TTYH2: variants seen among roughly 807,000 people sequenced by gnomAD.
TTYH2 encodes protein tweety homolog 2.
A neutral mutation model predicts 68.3 loss-of-function variants in TTYH2; 49 were observed. That is an observed-to-expected ratio of 0.72 (90% CI 0.57 to 0.91). The LOEUF is 0.91. Ranked by LOEUF, TTYH2 falls within the 40% of genes least tolerant of loss-of-function variation. TTYH2 has a pLI of 0.00. For synonymous variants in TTYH2, 272 were observed against 300.8 expected, an observed-to-expected ratio of 0.90 and a Z score of 0.99; for missense variants, 631 against 700.4, an observed-to-expected ratio of 0.90 and a Z score of 1.12.
chr17:74,250,630 G>C, intron 10 of TTYH2: 1 of 380,170 alleles, frequency 2.6e-6, no homozygotes, highest in Non-Finnish European at 4.8e-6. Context: ...ACAATGCAAG[G>C]GAGGCTGTTC....
intron 4 of TTYH2, among the ~76,000 whole-genome samples, chr17:74,240,438 CAAAAA>C (rs762865595): frequency 8.5e-6 from 1 of 117,886 alleles, no homozygotes; most frequent in African/African-American, 3.1e-5. Context: ...GACTCTGTCT[CAAAAA>C]AAAAAAAAAA....
chr17:74,237,347 G>T lies in TTYH2; in HGVS notation c.468G>T (p.Arg156=). The change falls in exon 4 of 14, where the codon CGG becomes CGT. Residue 156 remains arginine (R), a synonymous_variant. Transcript: ENST00000269346. ...MKVDLEQHLA[R]LSEIFAARGD... ...TGGACCTAGAGCAGCACCTGGCCCG[G>T]CTCAGTGAGATCTTTGCTGCCCGGG... is the stretch of plus-strand genomic sequence containing the variant. 1 of 1,614,166 alleles carries T rather than the reference G, an allele frequency of 6.2e-7. No individual in the cohort carries two copies. The highest frequency in any genetic ancestry group is 8.5e-7 in the Non-Finnish European group (1 of 1,180,034).
chr17:74,245,009 T>C (rs1013216643), intron 6 of TTYH2, among the ~76,000 whole-genome samples: 1 of 152,172 alleles, frequency 6.6e-6, no homozygotes, highest in African/African-American at 2.4e-5. Flanking sequence ...TGTTCTGCCA[T>C]AGTGACCTGA....
At chr17:74,229,390 G>C (rs1333072810) in intron 2 of TTYH2, among the ~76,000 whole-genome samples, 1 of 152,154 alleles carries the variant, frequency 6.6e-6, no homozygotes, top group African/African-American at 2.4e-5. Flanking sequence ...CTTAGGACTA[G>C]AGGACAGTAT....
intron 7 of TTYH2, 128 bp downstream of exon 7, chr17:74,249,208 C>T: frequency 6.4e-7 from 1 of 1,556,726 alleles, no homozygotes; most frequent in Non-Finnish European, 8.8e-7. Flanking sequence ...CCAGCTCATG[C>T]TCTAGGCCAT....
At chr17:74,223,198 T>C (rs2050295190) in intron 2 of TTYH2, among the ~76,000 whole-genome samples, 1 of 149,778 alleles carries the variant, frequency 6.7e-6, no homozygotes, top group South Asian at 2.1e-4. Context: ...AGCCACAAAC[T>C]CCTAGGCTTA....
Position 74,215,592 on chromosome 17 carries a change from A to G in TTYH2, c.129+1876A>G, listed in dbSNP as rs2050214431. On this transcript the variant is annotated intron_variant, in intron 1 of 13. Transcript: ENST00000269346. This position sits in a 1 kb window ranked among gnomAD's most constrained non-coding sequence, Gnocchi z 4.3. ...TGGGCAGCTGACACCAGCCCTGCCC[A>G]CTGGCTCCTGGTCCCGCTCACCCCC... 1.3e-6 allele frequency: 2 copies of G among 1,531,342 alleles called. No individual in the cohort carries two copies. The highest frequency in any genetic ancestry group is 3.9e-5 in the Admixed American group (2 of 50,884). 94.9% of individuals were successfully genotyped at this position (1,531,342 alleles called of 1,614,324 possible).
Position 74,217,711 on chromosome 17 carries a change from T to C in TTYH2, c.129+3995T>C, listed in dbSNP as rs1306771042. On this transcript the variant is annotated intron_variant, in intron 1 of 13. Transcript: ENST00000269346. The surrounding 1 kb of genome is among the most constrained non-coding windows in gnomAD (Gnocchi z 4.0). The stretch of plus-strand genomic sequence containing the variant: ...TGAGACCGGCACACCTCTCTCTATG[T>C]CTTCTGGGGCCAGGGCTGTTGCCCC... Among the ~76,000 whole-genome samples the C allele has an allele frequency of 6.6e-6, 1 of 152,182 alleles. No individual in the cohort carries two copies. Among genetic ancestry groups the C allele is most frequent in the Non-Finnish European group, 1.5e-5 (1 of 68,034 alleles).
chr17:74,252,291 C>G lies in TTYH2; in HGVS notation c.1174C>G (p.Leu392Val). Residue 392 changes from leucine (L) to valine (V), a missense_variant, in exon 11 of 14, where the codon CTT (leucine) becomes GTT (valine). Transcript: ENST00000269346. Reference protein sequence around the residue: ...CYDGLQGLLYLGLFSFLAALA... With the variant: ...CYDGLQGLLYVGLFSFLAALA... ...CGACGGCCTCCAGGGCTTGCTGTAC[C>G]TTGGCCTCTTCTCCTTCCTGGCCGC... is the stretch of plus-strand genomic sequence containing the variant. The G allele has an allele frequency of 6.2e-7, 1 of 1,613,900 alleles. No homozygotes were observed. The highest frequency in any genetic ancestry group is 8.5e-7 in the Non-Finnish European group (1 of 1,180,044).
chr17:74,243,760 C>T (rs1292430138), intron 5 of TTYH2, among the ~76,000 whole-genome samples: 1 of 152,248 alleles, frequency 6.6e-6, no homozygotes, highest in Non-Finnish European at 1.5e-5. Flanking sequence ...TCTTAGCCAA[C>T]ACTGCCCCCT....
intron 13 of TTYH2, among the ~76,000 whole-genome samples, chr17:74,255,474 C>CT (rs1479866954): frequency 2.0e-5 from 3 of 151,352 alleles, no homozygotes; most frequent in African/African-American, 7.3e-5. Flanking sequence ...TTTTTTGAGA[C>CT]GGAGTCTCAC....
intron 4 of TTYH2, among the ~76,000 whole-genome samples, chr17:74,242,359 G>T (rs1240895626): frequency 6.6e-6 from 1 of 152,156 alleles, no homozygotes; most frequent in Non-Finnish European, 1.5e-5. Context: ...TCAGTGCCTG[G>T]CACAAATGTT....
Position 74,252,365 on chromosome 17 carries a change from C to T in TTYH2, c.1248C>T (p.His416=), listed in dbSNP as rs778219191. Residue 416 remains histidine (H), a synonymous_variant, in exon 11 of 14, where the codon CAC becomes CAT. Coordinates refer to ENST00000269346, the MANE Select transcript of TTYH2 (RefSeq NM_032646.6). The part of the protein sequence containing the change: ...MICAGPRAWK[H]FTTRNRDYDD... ...GTGCAGGGCCAAGGGCCTGGAAGCA[C>T]TTCACCACCAGGTGGGCTGCCTAGT... 2.5e-6 allele frequency: 4 copies of T among 1,613,660 alleles called. No individual in the cohort carries two copies. The highest frequency in any genetic ancestry group is 2.5e-6 in the Non-Finnish European group (3 of 1,179,960).
intron 3 of TTYH2, among the ~76,000 whole-genome samples, chr17:74,236,414 A>C (rs940894507): frequency 3.3e-5 from 5 of 152,256 alleles, no homozygotes; most frequent in African/African-American, 1.2e-4. Flanking sequence ...TCTCTAAAAG[A>C]GAATTTGTAA....
At chr17:74,229,685 G>A (rs1476772851) in intron 2 of TTYH2, among the ~76,000 whole-genome samples, 1 of 152,032 alleles carries the variant, frequency 6.6e-6, no homozygotes, top group African/African-American at 2.4e-5. Flanking sequence ...ATTCAGCACT[G>A]AAAAAAATGA....
At position 74,215,913 on chromosome 17, in the gene TTYH2, G is replaced by A. The variant is rs113939907; in HGVS notation, c.129+2197G>A. ...GGAGAAATTGCTGGGGATTTTCTGC[G>A]GCTGGGCTCTGGGCGCAGTGCTATG... On this transcript the variant is annotated intron_variant, in intron 1 of 13. Transcript: ENST00000269346. The surrounding 1 kb of genome is among the most constrained non-coding windows in gnomAD (Gnocchi z 4.3). Among the ~76,000 whole-genome samples, 28 of 152,346 alleles carry A rather than the reference G, an allele frequency of 1.8e-4. 1 individual carries two copies. The highest frequency in any genetic ancestry group is 6.0e-4 in the African/African-American group (25 of 41,586).
At chr17:74,218,416 T>C (rs1423650804) in intron 1 of TTYH2, among the ~76,000 whole-genome samples, 1 of 151,756 alleles carries the variant, frequency 6.6e-6, no homozygotes, top group African/African-American at 2.4e-5. Flanking sequence ...CTCATGCCTG[T>C]AATCCCAGCA....
In TTYH2 at chr17:74,254,419, C is replaced by T. The variant is rs143272964; in HGVS notation, c.1524+586C>T. On this transcript the variant is annotated intron_variant, in intron 13 of 13. Coordinates refer to ENST00000269346, the MANE Select transcript of TTYH2 (RefSeq NM_032646.6). ...CTGACCTCAGGTGATCCACCCGCCT[C>T]GGCCTCCCAAAGTGCTGGGATTACA... 4.5e-3 allele frequency among the ~76,000 whole-genome samples: 692 copies of T among 152,318 alleles called. 7 individuals carry two copies. The highest frequency in any genetic ancestry group is 0.016 in the African/African-American group (661 of 41,568).
chr17:74,217,229 C>T lies in TTYH2; in HGVS notation c.129+3513C>T, dbSNP rs117943103. Among the ~76,000 whole-genome samples, 4,111 of 152,326 alleles carry T rather than the reference C, an allele frequency of 0.027. 87 individuals are homozygous for T. Among genetic ancestry groups the T allele is most frequent in the Non-Finnish European group, 0.042 (2,875 of 68,024 alleles). On this transcript the variant is annotated intron_variant, in intron 1 of 13. Coordinates refer to ENST00000269346, the MANE Select transcript of TTYH2 (RefSeq NM_032646.6). This position sits in a 1 kb window ranked among gnomAD's most constrained non-coding sequence, Gnocchi z 4.0. ...TTGCTACTGTCAACAGGCAGGTGGC[C>T]ACATGTGTGCTTCCTGTTCCAGCTT...
Sources: gnomAD v4.1 joint callset for allele counts (sites outside exome capture counted in the v4.1 genomes callset) on GRCh38, gnomAD v4.1.1 for gene constraint, Gnocchi (gnomAD v3.1) non-coding constraint, MANE v1.5 for transcripts, NCBI Gene and HGNC (gene_info 2026-07-23, HGNC 2026-07-21) for gene names.